CATSPERE: variants seen among roughly 807,000 people sequenced by gnomAD.
CATSPERE encodes the protein cation channel sperm-associated auxiliary subunit epsilon.
CATSPERE carries 93 observed loss-of-function variants against 114.1 expected under a neutral mutation model. The observed-to-expected ratio is 0.81, with a 90% CI of 0.69 to 0.97. The LOEUF is 0.97. Among genes scored for constraint, CATSPERE ranks in the 50% least tolerant of loss-of-function variants. The pLI is 0.00. For missense variants in CATSPERE, 1,058 were observed against 1,131.6 expected, an observed-to-expected ratio of 0.93 and a Z score of 0.93; for synonymous variants, 341 against 384.1, an observed-to-expected ratio of 0.89 and a Z score of 1.31.
At chr1:244,478,956 A>T (rs947777698) in intron 4 of CATSPERE, among the ~76,000 whole-genome samples, 7 of 124,024 alleles carry the variant, frequency 5.6e-5, no homozygotes, top group Non-Finnish European at 1.1e-4. Context: ...CGAACCCGGG[A>T]GGTGGAAGTT....
intron 2 of CATSPERE, among the ~76,000 whole-genome samples, chr1:244,466,185 T>C (rs1442157902): frequency 1.3e-5 from 2 of 152,234 alleles, no homozygotes; most frequent in Non-Finnish European, 2.9e-5. Context: ...CCCCACACGG[T>C]ACCAATGTAG....
chr1:244,564,615 T>C (rs1414111105), intron 10 of CATSPERE, among the ~76,000 whole-genome samples: 1 of 152,234 alleles, frequency 6.6e-6, no homozygotes, highest in Non-Finnish European at 1.5e-5. Context: ...GAGACGTTGC[T>C]GAAGTTGCTT....
At chr1:244,557,053 G>C (rs1445263267) in intron 9 of CATSPERE, among the ~76,000 whole-genome samples, 2 of 152,030 alleles carry the variant, frequency 1.3e-5, no homozygotes, top group African/African-American at 4.8e-5. Context: ...TTTACTTCTG[G>C]ATTCTCTATT....
At chr1:244,456,047 C>T (rs1666130810) in intron 1 of CATSPERE, among the ~76,000 whole-genome samples, 1 of 152,154 alleles carries the variant, frequency 6.6e-6, no homozygotes, top group African/African-American at 2.4e-5. Flanking sequence ...ATCAGAGAAG[C>T]ATGCTTTGGC....
intron 20 of CATSPERE, among the ~76,000 whole-genome samples, chr1:244,629,062 A>G (rs1335701556): frequency 6.6e-6 from 1 of 152,174 alleles, no homozygotes; most frequent in East Asian, 1.9e-4. Context: ...TTCTGCCAAT[A>G]CCTAAGCCAT....
At chr1:244,491,970 A>G (rs1399185725) in intron 6 of CATSPERE, among the ~76,000 whole-genome samples, 2 of 152,194 alleles carry the variant, frequency 1.3e-5, no homozygotes, top group Non-Finnish European at 2.9e-5. Context: ...CCAACCAAAA[A>G]AAGTCCAGGA....
intron 20 of CATSPERE, among the ~76,000 whole-genome samples, chr1:244,626,728 C>T (rs753182138): frequency 6.6e-6 from 1 of 152,160 alleles, no homozygotes; most frequent in Non-Finnish European, 1.5e-5. Context: ...TTCAAACCTT[C>T]CTTCTGCAGC....
chr1:244,617,584 C>T lies in CATSPERE; in HGVS notation c.2546C>T (p.Pro849Leu), dbSNP rs765251387. ...AIGKPGDLNQ[P>L]YEIINSSNGN... ...GGAAAACCAGGAGACTTAAATCAACCATACGAGATTATCAACAGTTCTAAT... is the reference window on the plus strand; with the variant it reads ...GGAAAACCAGGAGACTTAAATCAACTATACGAGATTATCAACAGTTCTAAT... The change falls in exon 20 of 22, where the codon CCA becomes CTA. Residue 849 changes from proline (P) to leucine (L), a missense_variant. By Grantham distance (98) the Pro-to-Leu change is moderately conservative. Coordinates refer to ENST00000366534, the MANE Select transcript of CATSPERE (RefSeq NM_001130957.2). 1.3e-6 allele frequency: 2 copies of T among 1,542,188 alleles called. No individual in the cohort carries two copies. The highest frequency in any genetic ancestry group is 8.7e-7 in the Non-Finnish European group (1 of 1,144,232).
intron 8 of CATSPERE, among the ~76,000 whole-genome samples, chr1:244,529,317 T>G (rs1461353942): frequency 1.3e-5 from 2 of 152,178 alleles, no homozygotes; most frequent in Middle Eastern, 3.4e-3. Flanking sequence ...GCTCCCTTTC[T>G]CCAGCATTTG....
Position 244,499,009 on chromosome 1 carries a change from C to G in CATSPERE, c.359C>G (p.Thr120Ser). The change falls in exon 7 of 22, where the codon ACT (threonine) becomes AGT (serine). Residue 120 changes from threonine (T) to serine (S), a missense_variant. Physicochemically the swap from Thr to Ser is moderately conservative, Grantham distance 58. This residue lies in a region of CATSPERE where 271 missense variants were observed against 225.9 expected (regional missense o/e 1.20). Coordinates refer to ENST00000366534, the MANE Select transcript of CATSPERE (RefSeq NM_001130957.2). Reference sequence around the variant, plus strand: ...ACAAATTTTATTTTCTAGCTTATCACTGTGTGGGCATATGATCCAGAAAGT... The same window carrying G: ...ACAAATTTTATTTTCTAGCTTATCAGTGTGTGGGCATATGATCCAGAAAGT... ...HFFNNFTQLI[T>S]VWAYDPESAD... 1 of 1,611,564 alleles carries G rather than the reference C, an allele frequency of 6.2e-7. No homozygotes were observed. Among genetic ancestry groups the G allele is most frequent in the Non-Finnish European group, 8.5e-7 (1 of 1,177,918 alleles).
In CATSPERE at chr1:244,560,990, C is replaced by T; in HGVS notation, c.1352C>T (p.Thr451Ile). The T allele has an allele frequency of 6.2e-7, 1 of 1,614,038 alleles. No individual in the cohort carries two copies. Among genetic ancestry groups the T allele is most frequent in the South Asian group, 1.1e-5 (1 of 91,076 alleles). ...PIDSVTMPHF[T>I]FSALPGLLLW... ...GACAGTGTTACCATGCCACATTTTA[C>T]ATTTTCAGCACTGCCAGGATTACTG... The change falls in exon 10 of 22, where the codon ACA becomes ATA. Residue 451 changes from threonine (T) to isoleucine (I), a missense_variant. Physicochemically the swap from Thr to Ile is moderately conservative, Grantham distance 89. Transcript: ENST00000366534.
At chr1:244,558,573 T>G (rs1246005040) in intron 9 of CATSPERE, among the ~76,000 whole-genome samples, 1 of 152,182 alleles carries the variant, frequency 6.6e-6, no homozygotes, top group Non-Finnish European at 1.5e-5. Flanking sequence ...CTGACAACAT[T>G]CCAGAGACCT....
chr1:244,469,783 G>A (rs543135646), intron 2 of CATSPERE, among the ~76,000 whole-genome samples: 18 of 152,244 alleles, frequency 1.2e-4, no homozygotes, highest in Non-Finnish European at 1.8e-4. Flanking sequence ...AGTTCTTGAC[G>A]TTTATACAAT....
At chr1:244,638,825 T>C (rs1453578839) in intron 21 of CATSPERE, among the ~76,000 whole-genome samples, 1 of 152,256 alleles carries the variant, frequency 6.6e-6, no homozygotes, top group African/African-American at 2.4e-5. Context: ...CTTCTACATG[T>C]ATCTTAGATA....
At chr1:244,548,373 C>T (rs1451439991) in intron 8 of CATSPERE, among the ~76,000 whole-genome samples, 2 of 152,204 alleles carry the variant, frequency 1.3e-5, no homozygotes, top group Non-Finnish European at 2.9e-5. Flanking sequence ...AGTCTGCCAG[C>T]AGCAGATATG....
intron 5 of CATSPERE, among the ~76,000 whole-genome samples, chr1:244,487,975 ACT>A (rs1281444757): frequency 6.6e-6 from 1 of 152,122 alleles, no homozygotes; most frequent in Non-Finnish European, 1.5e-5. Flanking sequence ...ACACCTATTG[ACT>A]CTGCCCCCAA....
chr1:244,514,232 AGG>A (rs1676212241), intron 7 of CATSPERE, among the ~76,000 whole-genome samples: 1 of 152,198 alleles, frequency 6.6e-6, no homozygotes, highest in Non-Finnish European at 1.5e-5. Flanking sequence ...TTAACATTTC[AGG>A]AATTAACTAT....
intron 19 of CATSPERE, among the ~76,000 whole-genome samples, chr1:244,613,132 G>T (rs1573007238): frequency 6.6e-6 from 1 of 152,282 alleles, no homozygotes; most frequent in East Asian, 1.9e-4. Flanking sequence ...TATGATATAT[G>T]CACAGCTTCC....
chr1:244,504,776 G>C lies in CATSPERE; in HGVS notation c.429+5697G>C, dbSNP rs1291437458. 6.6e-6 allele frequency among the ~76,000 whole-genome samples: 1 copy of C among 152,216 alleles called. No individual in the cohort carries two copies. The highest frequency in any genetic ancestry group is 2.4e-5 in the African/African-American group (1 of 41,446). On this transcript the variant is annotated intron_variant, in intron 7 of 21. Transcript: ENST00000366534. The surrounding 1 kb of genome is among the most constrained non-coding windows in gnomAD (Gnocchi z 4.1). The stretch of plus-strand genomic sequence containing the variant: ...CAATCAAGGGCGCATACAATCATAT[G>C]ATGTGTCGCTGCTGATGTTTGCGTT...
Sources: gnomAD v4.1 joint callset for allele counts (sites outside exome capture counted in the v4.1 genomes callset) on GRCh38, gnomAD v4.1.1 for gene constraint, gnomAD v4.1.1 regional missense constraint, Gnocchi (gnomAD v3.1) non-coding constraint, MANE v1.5 for transcripts, NCBI Gene and HGNC (gene_info 2026-07-23, HGNC 2026-07-21) for gene names.